PGR: variants seen among roughly 807,000 people sequenced by gnomAD.
PGR encodes nuclear receptor subfamily 3 group C member 3.
PGR carries 25 observed loss-of-function variants against 76.1 expected under a neutral mutation model. The ratio of observed to expected loss-of-function variants is 0.33; its 90% CI spans 0.24 to 0.46. The LOEUF is 0.46. PGR is among the 20% of genes least tolerant of loss of function. PGR has a pLI of 1.00. For synonymous variants in PGR, 579 were observed against 535.0 expected (o/e 1.08, Z -1.14); for missense variants, 1,172 against 1,225.3 (o/e 0.96, Z 0.65).
chr11:101,048,091 G>T lies in PGR; in HGVS notation c.2488+1838C>A, dbSNP rs965449598. On this transcript the variant is annotated intron_variant, in intron 6 of 7. Coordinates refer to ENST00000325455, the MANE Select transcript of PGR (RefSeq NM_000926.4). ...TCATTTCTAGTCATGTCCAATAGAG[G>T]TTTGCAAGCCACTAGGAAGGGGTGA... Among the ~76,000 whole-genome samples, 10 of 152,126 alleles carry T rather than the reference G, an allele frequency of 6.6e-5. No individual in the cohort carries two copies. The South Asian group carries it at 2.1e-3, about 32-fold the overall frequency.
intron 3 of PGR, among the ~76,000 whole-genome samples, chr11:101,072,027 C>T (rs1282403123): frequency 1.3e-5 from 2 of 151,640 alleles, no homozygotes; most frequent in African/African-American, 4.8e-5. Flanking sequence ...ACATAACTGT[C>T]AGATTCACCA....
chr11:101,039,345 T>C, intron 7 of PGR, 74 bp from the exon 8 acceptor site: 1 of 1,121,632 alleles, frequency 8.9e-7, no homozygotes, highest in Admixed American at 1.9e-5. Flanking sequence ...ACATGGCAAT[T>C]TATTTTTCTA....
chr11:101,129,741 A>C lies in PGR; in HGVS notation c.-671T>G, dbSNP rs546644242. On this transcript the variant is annotated 5_prime_UTR_variant, in exon 1 of 8. Coordinates refer to ENST00000325455, the MANE Select transcript of PGR (RefSeq NM_000926.4). ...TTTCACTCAAATGACAAGTGAAGCT[A>C]GTTCTCATTGAGAATGCCACCCACA... is the stretch of plus-strand genomic sequence containing the variant. The C allele has an allele frequency of 5.5e-6, 1 of 180,242 alleles. No individual in the cohort carries two copies. Among genetic ancestry groups the C allele is most frequent in the South Asian group, 2.0e-4 (1 of 5,070 alleles). The allele number at this position is 180,242 out of a possible 1,614,324, so 11.2% of individuals were successfully genotyped here.
chr11:101,050,967 C>T (rs1408938248), intron 5 of PGR: 1 of 247,342 alleles, frequency 4.0e-6, no homozygotes, highest in Non-Finnish European at 8.1e-6. Context: ...GATTCTTATT[C>T]AGTTAAAGGT....
chr11:101,094,373 G>T (rs1239368871), intron 2 of PGR, among the ~76,000 whole-genome samples: 1 of 152,114 alleles, frequency 6.6e-6, no homozygotes, highest in African/African-American at 2.4e-5. Context: ...ATTTGCTTCA[G>T]GTAATTTCTT....
intron 2 of PGR, among the ~76,000 whole-genome samples, chr11:101,118,538 G>A (rs1349571328): frequency 1.3e-5 from 2 of 152,130 alleles, no homozygotes; most frequent in African/African-American, 4.8e-5. Flanking sequence ...AAAAAGTTAT[G>A]ATTCCTTAAA....
In PGR at chr11:101,098,923, C is replaced by T. The variant is rs11822836; in HGVS notation, c.1790-7047G>A. ...GGACAAAAATCATTTATGCCAAAAA[C>T]AACATAAACAAAATAAAATATTGGC... On this transcript the variant is annotated intron_variant, in intron 2 of 7. Transcript: ENST00000325455. Among the ~76,000 whole-genome samples, 644 of 152,246 alleles carry T rather than the reference C, an allele frequency of 4.2e-3. 8 individuals carry two copies. Among genetic ancestry groups the T allele is most frequent in the African/African-American group, 0.015 (624 of 41,544 alleles).
chr11:101,067,221 T>A (rs1212512912), intron 3 of PGR, among the ~76,000 whole-genome samples: 1 of 152,196 alleles, frequency 6.6e-6, no homozygotes, highest in Non-Finnish European at 1.5e-5. Context: ...CCTCACCTAA[T>A]TTATATTTCT....
chr11:101,053,859 G>A (rs1205734693), intron 4 of PGR, among the ~76,000 whole-genome samples: 2 of 151,750 alleles, frequency 1.3e-5, no homozygotes, highest in Non-Finnish European at 2.9e-5. Flanking sequence ...GTTCCCCATT[G>A]GTTGTAGTTT....
intron 3 of PGR, among the ~76,000 whole-genome samples, chr11:101,086,838 C>CCACA (rs745511101): frequency 7.3e-5 from 11 of 151,620 alleles, no homozygotes; most frequent in Non-Finnish European, 1.5e-4. Flanking sequence ...TTTAAAATAG[C>CCACA]CACACACACA....
chr11:101,120,765 C>G (rs900809959), intron 2 of PGR, among the ~76,000 whole-genome samples: 1 of 152,026 alleles, frequency 6.6e-6, no homozygotes, highest in African/African-American at 2.4e-5. Context: ...AGGACTTAAG[C>G]CTTATTGATA....
At chr11:101,127,317 G>A (rs1040442899) in intron 1 of PGR, 117 bp downstream of exon 1, 50 of 707,154 alleles carry the variant, frequency 7.1e-5, no homozygotes, top group Non-Finnish European at 9.4e-5. Context: ...CACCCTCTCC[G>A]GCCGCCCCGG....
chr11:101,062,769 A>G lies in PGR; in HGVS notation c.1907-17T>C, dbSNP rs1468608878. The G allele has an allele frequency of 4.4e-6, 7 of 1,574,230 alleles. No individual in the cohort carries two copies. Among genetic ancestry groups the G allele is most frequent in the Non-Finnish European group, 5.2e-6 (6 of 1,151,322 alleles). On this transcript the variant is annotated splice_polypyrimidine_tract_variant and intron_variant, in intron 3 of 7. Transcript: ENST00000325455. ...ATTTTCGACCTACAGAGAAGAAAAAAAAGAAATTCATGTAAATATATATAA... is the reference window on the plus strand; with the variant it reads ...ATTTTCGACCTACAGAGAAGAAAAAGAAGAAATTCATGTAAATATATATAA...
At chr11:101,106,853 G>T (rs1862178107) in intron 2 of PGR, among the ~76,000 whole-genome samples, 1 of 152,154 alleles carries the variant, frequency 6.6e-6, no homozygotes, top group South Asian at 2.1e-4. Context: ...AAGCAAATGT[G>T]GCACGTATAC....
At chr11:101,081,195 T>C (rs2135439682) in intron 3 of PGR, among the ~76,000 whole-genome samples, 1 of 152,150 alleles carries the variant, frequency 6.6e-6, no homozygotes, top group East Asian at 1.9e-4. Context: ...TTTGGGAGGC[T>C]GAGGCAGGTG....
At chr11:101,057,041 G>A (rs1381969025) in intron 4 of PGR, among the ~76,000 whole-genome samples, 2 of 152,118 alleles carry the variant, frequency 1.3e-5, no homozygotes, top group African/African-American at 4.8e-5. Flanking sequence ...TTGCAATTAG[G>A]ATCAAGGTTA....
intron 3 of PGR, among the ~76,000 whole-genome samples, chr11:101,070,672 G>A (rs1292059222): frequency 1.3e-5 from 2 of 152,152 alleles, no homozygotes; most frequent in African/African-American, 4.8e-5. Flanking sequence ...GGCTTGAGTA[G>A]GCAGTTTTCC....
chr11:101,053,619 C>T lies in PGR; in HGVS notation c.2213-2051G>A, dbSNP rs1860180506. 2.5e-5 allele frequency among the ~76,000 whole-genome samples: 3 copies of T among 117,742 alleles called. No individual in the cohort carries two copies. The Admixed American group carries it at 2.7e-4, about 10-fold the overall frequency. 77.2% of individuals were successfully genotyped at this position (117,742 alleles called of 152,430 possible). ...CCCTCCCCTTCTCCCTCCTTTCTTC[C>T]CTCCCCTTCTTCCTCCTTTCTTCCC... On this transcript the variant is annotated intron_variant, in intron 4 of 7. Coordinates refer to ENST00000325455, the MANE Select transcript of PGR (RefSeq NM_000926.4).
chr11:101,040,817 A>T (rs588913), intron 7 of PGR, among the ~76,000 whole-genome samples: 42,944 of 151,756 alleles, frequency 0.28, 6,429 homozygotes, highest in African/African-American at 0.39. Flanking sequence ...TTTCTTACAC[A>T]AATTTCTCTC....
Sources: gnomAD v4.1 joint callset for allele counts (sites outside exome capture counted in the v4.1 genomes callset) on GRCh38, gnomAD v4.1.1 for gene constraint, MANE v1.5 for transcripts, NCBI Gene and HGNC (gene_info 2026-07-23, HGNC 2026-07-21) for gene names.